STK3: variants seen among roughly 807,000 people sequenced by gnomAD.
STK3 encodes serine/threonine-protein kinase 3.
STK3 carries 41 observed loss-of-function variants against 58.0 expected under a neutral mutation model. That is an observed-to-expected ratio of 0.71 (90% CI 0.55 to 0.92). The LOEUF (loss-of-function observed/expected upper bound fraction) is 0.92, where lower values mean the gene tolerates loss of function less well. Ranked by LOEUF, STK3 falls within the 40% of genes least tolerant of loss-of-function variation. The pLI is 0.00. For missense variants in STK3, 479 were observed against 602.7 expected, an observed-to-expected ratio of 0.79 and a Z score of 2.15; for synonymous variants, 170 against 191.0, an observed-to-expected ratio of 0.89 and a Z score of 0.91.
At chr8:98,567,523 T>C (rs1208318279) in intron 8 of STK3, among the ~76,000 whole-genome samples, 3 of 152,170 alleles carry the variant, frequency 2.0e-5, no homozygotes, top group South Asian at 2.1e-4. Flanking sequence ...TAATCAACTA[T>C]AAATTTGGAT....
intron 1 of STK3, among the ~76,000 whole-genome samples, chr8:98,939,080 G>C (rs557104345): frequency 6.6e-6 from 1 of 152,136 alleles, no homozygotes; most frequent in East Asian, 1.9e-4. Context: ...TCCTAAGCTC[G>C]TTTCCAAGTA....
chr8:98,655,681 G>T (rs1821432549), intron 6 of STK3, among the ~76,000 whole-genome samples: 1 of 151,730 alleles, frequency 6.6e-6, no homozygotes, highest in Admixed American at 6.6e-5. Flanking sequence ...CGAAGGACAT[G>T]AACAGACACT....
intron 1 of STK3, among the ~76,000 whole-genome samples, chr8:98,897,384 T>C (rs1237498859): frequency 4.6e-5 from 7 of 152,092 alleles, no homozygotes; most frequent in African/African-American, 1.2e-4. Flanking sequence ...GGTGAAACCC[T>C]GTCTCTACTA....
At chr8:98,358,712 G>A in the STK3 span, among the ~76,000 whole-genome samples, 5 of 152,136 alleles carry the variant, frequency 3.3e-5, no homozygotes, top group Non-Finnish European at 1.5e-5. Flanking sequence ...GGGAATGAGG[G>A]GGGAGTGACA....
chr8:98,662,060 C>T (rs117580228), intron 6 of STK3, among the ~76,000 whole-genome samples: 2,368 of 151,878 alleles, frequency 0.016, 40 homozygotes, highest in Middle Eastern at 0.044. Context: ...CCCTAGTATA[C>T]GCAAAAAATG....
chr8:98,445,346 G>T (rs1818893386), intron 1 of STK3, among the ~76,000 whole-genome samples: 1 of 151,922 alleles, frequency 6.6e-6, no homozygotes, highest in South Asian at 2.1e-4. Flanking sequence ...ACAAATGTGA[G>T]CTACATATAT....
At chr8:98,628,647 T>A (rs1254446207) in intron 6 of STK3, among the ~76,000 whole-genome samples, 3 of 151,612 alleles carry the variant, frequency 2.0e-5, no homozygotes, top group Non-Finnish European at 4.4e-5. Flanking sequence ...AGTAAAATTT[T>A]AAAAATCAGC....
At chr8:98,525,819 T>C (rs1391446770) in intron 10 of STK3, among the ~76,000 whole-genome samples, 1 of 151,972 alleles carries the variant, frequency 6.6e-6, no homozygotes, top group Non-Finnish European at 1.5e-5. Flanking sequence ...ATATTTATAA[T>C]TGCAAAGCAT....
rs759861263 is a variant in STK3 at position 98,526,909 on chromosome 8, T to C, written c.1150A>G (p.Thr384Ala). 1 of 1,550,968 alleles carries C rather than the reference T, an allele frequency of 6.4e-7. No individual in the cohort carries two copies. Among genetic ancestry groups the C allele is most frequent in the Non-Finnish European group, 8.7e-7 (1 of 1,144,114 alleles). Residue 384 changes from threonine (T) to alanine (A), a missense_variant, in exon 10 of 11, where the codon ACC becomes GCC. Physicochemically the swap from Thr to Ala is moderately conservative, Grantham distance 58. Coordinates refer to ENST00000419617, the MANE Select transcript of STK3 (RefSeq NM_006281.4). ...GATGGTCTTTGTACTTGTGGTGAGG[T>C]TGCATTTCCTTAGGTAAACAAAGAA... ...EEDGTMKRNATSPQVQRPSFM... is the reference protein window; with the variant it reads ...EEDGTMKRNAASPQVQRPSFM...
At chr8:98,426,798 GA>G (rs1169151885) in intron 3 of STK3, among the ~76,000 whole-genome samples, 2 of 152,166 alleles carry the variant, frequency 1.3e-5, no homozygotes, top group Non-Finnish European at 2.9e-5. Flanking sequence ...GTCACCGGGG[GA>G]TGGTCGGGGG....
chr8:98,578,652 T>C (rs1456320495), intron 8 of STK3, among the ~76,000 whole-genome samples: 3 of 152,232 alleles, frequency 2.0e-5, no homozygotes, highest in Non-Finnish European at 4.4e-5. Flanking sequence ...ATACAGAAAC[T>C]GTAAGATTTT....
rs200631944 is a variant in STK3, at chr8:98,841,517, C to G, written c.110+42130G>C. ...TAATTCTACCATTTCACCTTAAGAACTCTAAAAAAAGAAAAAAAAAGTACA... is the reference window on the plus strand; with the variant it reads ...TAATTCTACCATTTCACCTTAAGAAGTCTAAAAAAAGAAAAAAAAAGTACA... On this transcript the variant is annotated intron_variant, in intron 3 of 12. Transcript: ENST00000523601. Among the ~76,000 whole-genome samples the G allele has an allele frequency of 2.6e-5, 4 of 151,240 alleles. No homozygotes were observed. In the East Asian group the frequency reaches 5.8e-4, roughly 22 times the overall value.
At chr8:98,633,483 G>T in intron 6 of STK3, 1 of 615,696 alleles carries the variant, frequency 1.6e-6, no homozygotes. Context: ...GAAGAAGGTA[G>T]AACGATGGCG....
chr8:98,788,180 G>C (rs542602260), intron 1 of STK3, among the ~76,000 whole-genome samples: 1 of 152,036 alleles, frequency 6.6e-6, no homozygotes, highest in Non-Finnish European at 1.5e-5. Flanking sequence ...GGTGGCTCAC[G>C]GGGGTAATCT....
intron 3 of STK3, among the ~76,000 whole-genome samples, chr8:98,406,458 C>T (rs181891849): frequency 7.2e-5 from 11 of 152,062 alleles, no homozygotes; most frequent in African/African-American, 2.2e-4. Flanking sequence ...CAACCTCCCC[C>T]CTCTAGGGTT....
intron 3 of STK3, among the ~76,000 whole-genome samples, chr8:98,876,701 C>G (rs928831583): frequency 6.6e-6 from 1 of 152,174 alleles, no homozygotes; most frequent in Non-Finnish European, 1.5e-5. Flanking sequence ...ATGACTTGCT[C>G]CTAGTAGGGC....
At chr8:98,806,396 A>G (rs1271150763) in intron 1 of STK3, among the ~76,000 whole-genome samples, 1 of 152,194 alleles carries the variant, frequency 6.6e-6, no homozygotes, top group African/African-American at 2.4e-5. Flanking sequence ...AAATACACAT[A>G]TATGGCTAGA....
At chr8:98,569,960 T>C (rs1482837404) in intron 8 of STK3, among the ~76,000 whole-genome samples, 2 of 149,456 alleles carry the variant, frequency 1.3e-5, no homozygotes, top group Non-Finnish European at 3.0e-5. Flanking sequence ...CATTTTCAAA[T>C]ATATGTATAC....
intron 10 of STK3, among the ~76,000 whole-genome samples, chr8:98,504,215 T>C (rs1444313550): frequency 6.6e-6 from 1 of 152,070 alleles, no homozygotes; most frequent in African/African-American, 2.4e-5. Flanking sequence ...TTGCAACCCC[T>C]GCTTTTTTTT....
Sources: allele counts gnomAD v4.1 joint callset (sites outside exome capture counted in the v4.1 genomes callset), GRCh38; gene constraint gnomAD v4.1.1; transcripts MANE v1.5; gene names NCBI Gene and HGNC (gene_info 2026-07-23, HGNC 2026-07-21).